The following PLA2G4A variants were observed in gnomAD, a reference collection of about 807,000 sequenced individuals.
PLA2G4A encodes the protein cytosolic phospholipase A2.
Under a neutral mutation model 81.9 loss-of-function variants are expected in PLA2G4A, and 40 were observed. That is an observed-to-expected ratio of 0.49 (90% CI 0.38 to 0.64). The LOEUF (loss-of-function observed/expected upper bound fraction) is 0.64. Among genes scored for constraint, PLA2G4A ranks in the 30% least tolerant of loss-of-function variants. The pLI, the probability that PLA2G4A is intolerant of heterozygous loss-of-function variation, is 0.00. For synonymous variants in PLA2G4A, 302 were observed against 296.9 expected (o/e 1.02, Z -0.18); for missense variants, 715 against 905.1 (o/e 0.79, Z 2.69).
At position 186,946,644 on chromosome 1, in the gene PLA2G4A, T is replaced by A; in HGVS notation, c.1041T>A (p.Val347=). 3 of 1,609,936 alleles carry A rather than the reference T, an allele frequency of 1.9e-6. No homozygotes were observed. The highest frequency in any genetic ancestry group is 2.5e-6 in the Non-Finnish European group (3 of 1,176,498). ...DVSELMFADW[V]EFSPYEIGMA... Reference sequence around the variant, plus strand: ...TTTTTAAAATACTTTCAGATTGGGTTGAATTTAGTCCATACGAAATTGGCA... The same window carrying A: ...TTTTTAAAATACTTTCAGATTGGGTAGAATTTAGTCCATACGAAATTGGCA... Residue 347 remains valine (V), a synonymous_variant, in exon 11 of 18, where the codon GTT becomes GTA. Coordinates refer to ENST00000367466, the MANE Select transcript of PLA2G4A (RefSeq NM_024420.3).
chr1:186,939,219 C>T lies in PLA2G4A; in HGVS notation c.907C>T (p.Leu303=). Reference sequence around the variant, plus strand: ...CTTTGGGATGTTAATAGGAGAAACACTAATTCATAATGTAAGTTACAGTTC... The same window carrying T: ...CTTTGGGATGTTAATAGGAGAAACATTAATTCATAATGTAAGTTACAGTTC... ...DIFGMLIGET[L]IHNRMNTTLS... Residue 303 remains leucine, a synonymous_variant, in exon 9 of 18, where the codon CTA becomes TTA. Coordinates refer to ENST00000367466, the MANE Select transcript of PLA2G4A (RefSeq NM_024420.3). 1 of 1,515,152 alleles carries T rather than the reference C, an allele frequency of 6.6e-7. No individual in the cohort carries two copies. Among genetic ancestry groups the T allele is most frequent in the Non-Finnish European group, 9.2e-7 (1 of 1,090,494 alleles). 93.9% of individuals were successfully genotyped at this position (1,515,152 alleles called of 1,614,324 possible).
At chr1:186,857,143 TTATATAATTACATA>T (rs1558367863) in intron 2 of PLA2G4A, among the ~76,000 whole-genome samples, 14 of 39,856 alleles carry the variant, frequency 3.5e-4, no homozygotes, top group African/African-American at 1.9e-3. Flanking sequence ...TATTATATAA[TTATATAATTACATA>T]ATATAATATA....
intron 7 of PLA2G4A, among the ~76,000 whole-genome samples, chr1:186,930,669 A>G (rs1442972140): frequency 6.6e-6 from 1 of 152,202 alleles, no homozygotes; most frequent in Admixed American, 6.6e-5. Flanking sequence ...CAATGCTACA[A>G]TTAACCATAC....
intron 5 of PLA2G4A, among the ~76,000 whole-genome samples, chr1:186,896,159 A>T (rs552485704): frequency 5.3e-5 from 8 of 152,320 alleles, no homozygotes; most frequent in African/African-American, 1.9e-4. Flanking sequence ...AATTAAAATA[A>T]GTGATTAAAT....
chr1:186,979,532 C>CA, intron 17 of PLA2G4A, 60 bp downstream of exon 17: 1 of 1,021,618 alleles, frequency 9.8e-7, no homozygotes, highest in Non-Finnish European at 1.6e-6. Context: ...ATAAATACAC[C>CA]AATACCTCTT....
At chr1:186,898,495 C>G (rs1654425295) in intron 5 of PLA2G4A, among the ~76,000 whole-genome samples, 1 of 152,078 alleles carries the variant, frequency 6.6e-6, no homozygotes, top group South Asian at 2.1e-4. Flanking sequence ...GGAAAGTAAA[C>G]AGGCAATGAT....
intron 7 of PLA2G4A, 57 bp downstream of exon 7, chr1:186,911,446 A>G: frequency 1.6e-6 from 2 of 1,289,744 alleles, no homozygotes; most frequent in Non-Finnish European, 2.3e-6. Flanking sequence ...AGCTTGGACA[A>G]TTTCCCCAAT....
At chr1:186,842,368 G>A (rs1423152872) in intron 1 of PLA2G4A, among the ~76,000 whole-genome samples, 1 of 151,958 alleles carries the variant, frequency 6.6e-6, no homozygotes, top group Non-Finnish European at 1.5e-5. Flanking sequence ...TATCACATCT[G>A]GACTTCTCTG....
At chr1:186,842,540 TA>T (rs766989940) in intron 1 of PLA2G4A, among the ~76,000 whole-genome samples, 1 of 152,316 alleles carries the variant, frequency 6.6e-6, no homozygotes, top group African/African-American at 2.4e-5. Context: ...CCTCAGAATG[TA>T]AAAGTATTTG....
At chr1:186,869,805 T>C (rs1451155333) in intron 2 of PLA2G4A, among the ~76,000 whole-genome samples, 1 of 152,254 alleles carries the variant, frequency 6.6e-6, no homozygotes, top group Non-Finnish European at 1.5e-5. Flanking sequence ...GTGAGTAGAA[T>C]TGTTTGATAA....
At chr1:186,904,915 C>T (rs575836936) in intron 5 of PLA2G4A, among the ~76,000 whole-genome samples, 71 of 152,018 alleles carry the variant, frequency 4.7e-4, no homozygotes, top group Non-Finnish European at 8.5e-4. Context: ...AGTACAGTGG[C>T]GCGATCTCAG....
At chr1:186,836,850 A>G (rs1216608148) in intron 1 of PLA2G4A, among the ~76,000 whole-genome samples, 1 of 152,244 alleles carries the variant, frequency 6.6e-6, no homozygotes, top group Non-Finnish European at 1.5e-5. Context: ...AAATTATAAA[A>G]GAAAGCAAAT....
At chr1:186,880,196 T>C (rs1053528583) in intron 3 of PLA2G4A, among the ~76,000 whole-genome samples, 5 of 152,054 alleles carry the variant, frequency 3.3e-5, no homozygotes, top group Middle Eastern at 3.2e-3. Flanking sequence ...GGAAAAATGC[T>C]GCCAATAAGA....
At chr1:186,852,974 T>G (rs1017191674) in intron 1 of PLA2G4A, among the ~76,000 whole-genome samples, 1 of 151,988 alleles carries the variant, frequency 6.6e-6, no homozygotes, top group African/African-American at 2.4e-5. Flanking sequence ...CTGATTAATA[T>G]GCATGATAAG....
chr1:186,964,035 A>G (rs1332150961), intron 14 of PLA2G4A, among the ~76,000 whole-genome samples: 1 of 152,384 alleles, frequency 6.6e-6, no homozygotes, highest in South Asian at 2.1e-4. Context: ...TTAGAAATCT[A>G]TGAAGGGAAA....
intron 10 of PLA2G4A, among the ~76,000 whole-genome samples, chr1:186,945,534 G>T (rs145675967): frequency 2.3e-4 from 35 of 152,238 alleles, no homozygotes; most frequent in African/African-American, 7.9e-4. Flanking sequence ...AGAGAATACA[G>T]CAATTTGTAT....
At chr1:186,892,828 G>A (rs548650988) in intron 3 of PLA2G4A, among the ~76,000 whole-genome samples, 183 bp from the exon 4 acceptor site, 16 of 152,246 alleles carry the variant, frequency 1.1e-4, no homozygotes, top group Non-Finnish European at 2.1e-4. Flanking sequence ...GAAGGACAGC[G>A]ACATATGTAA....
intron 3 of PLA2G4A, among the ~76,000 whole-genome samples, chr1:186,891,613 A>G (rs968582486): frequency 6.6e-6 from 1 of 152,162 alleles, no homozygotes; most frequent in African/African-American, 2.4e-5. Flanking sequence ...AGTTCCATCC[A>G]TGCAAATGGC....
At chr1:186,917,598 A>G (rs1655185105) in intron 7 of PLA2G4A, among the ~76,000 whole-genome samples, 2 of 152,166 alleles carry the variant, frequency 1.3e-5, no homozygotes, top group Admixed American at 1.3e-4. Context: ...GTACCAAGTG[A>G]GCCACAAATG....
Sources: gnomAD v4.1 joint callset for allele counts (sites outside exome capture counted in the v4.1 genomes callset) on GRCh38, gnomAD v4.1.1 for gene constraint, MANE v1.5 for transcripts, NCBI Gene and HGNC (gene_info 2026-07-23, HGNC 2026-07-21) for gene names.